Variants in LMO1 observed in about 807,000 individuals in gnomAD.
LMO1 encodes the protein rhombotin-1.
A neutral mutation model predicts 18.0 loss-of-function variants in LMO1; 10 were observed. That is an observed-to-expected ratio of 0.55 (90% confidence interval 0.34 to 0.94). The LOEUF is 0.94. LMO1 is among the 40% of genes least tolerant of loss of function. The pLI, the probability that LMO1 is intolerant of heterozygous loss-of-function variation, is 0.02. For missense variants in LMO1, 183 were observed against 205.7 expected (o/e 0.89, Z 0.68); for synonymous variants, 77 against 77.9 (o/e 0.99, Z 0.06).
chr11:8,235,595 A>T lies in LMO1; in HGVS notation c.26-5091T>A, dbSNP rs538804606. ...AAATCCTGGGCCCTGCATCGCATTCAGTTGTCAAGTTTAGTCTACTTACAT... is the reference window on the plus strand; with the variant it reads ...AAATCCTGGGCCCTGCATCGCATTCTGTTGTCAAGTTTAGTCTACTTACAT... On this transcript the variant is annotated intron_variant, in intron 1 of 3. Transcript: ENST00000335790. 6.6e-5 allele frequency among the ~76,000 whole-genome samples: 10 copies of T among 152,312 alleles called. No individual in the cohort carries two copies. In the South Asian group the frequency reaches 1.9e-3, roughly 28 times the overall value.
chr11:8,248,373 G>C (rs909099039), intron 1 of LMO1, among the ~76,000 whole-genome samples: 1 of 152,230 alleles, frequency 6.6e-6, no homozygotes, highest in Non-Finnish European at 1.5e-5. Context: ...GTGTGCCCTT[G>C]AGACAGCATG....
intron 1 of LMO1, among the ~76,000 whole-genome samples, chr11:8,260,071 A>T (rs1175413178): frequency 1.3e-5 from 2 of 152,074 alleles, no homozygotes; most frequent in Non-Finnish European, 2.9e-5. Context: ...GCATCCCAGC[A>T]TCCCCAGCTG....
chr11:8,248,212 G>A (rs450319), intron 1 of LMO1, among the ~76,000 whole-genome samples: 46,029 of 152,156 alleles, frequency 0.3, 7,036 homozygotes, highest in East Asian at 0.4. Context: ...TGCCGCTGCC[G>A]TCAATTTCAA....
chr11:8,256,453 C>T lies in LMO1; in HGVS notation c.25+6885G>A, dbSNP rs904975405. The stretch of plus-strand genomic sequence containing the variant: ...AGGCCACTCAAGAAAGCCCAGTTGA[C>T]CTCCAGGGGAAGGGACAGGAGGGAG... On this transcript the variant is annotated intron_variant, in intron 1 of 3. Coordinates refer to ENST00000335790, the MANE Select transcript of LMO1 (RefSeq NM_002315.3). 1.3e-4 allele frequency among the ~76,000 whole-genome samples: 20 copies of T among 152,192 alleles called. 1 individual carries two copies. Among genetic ancestry groups the T allele is most frequent in the South Asian group, 2.1e-4 (1 of 4,830 alleles).
At chr11:8,239,345 T>C (rs751092358) in intron 1 of LMO1, among the ~76,000 whole-genome samples, 5 of 152,168 alleles carry the variant, frequency 3.3e-5, no homozygotes, top group Non-Finnish European at 7.3e-5. Flanking sequence ...TTCCCACTCA[T>C]CTATTGGTTC....
chr11:8,255,814 C>T (rs900445596), intron 1 of LMO1, among the ~76,000 whole-genome samples: 6 of 136,848 alleles, frequency 4.4e-5, no homozygotes, highest in Non-Finnish European at 7.7e-5. Flanking sequence ...AGCACAATGC[C>T]GCACTTTTTT....
Position 8,263,354 on chromosome 11 carries a change from C to T in LMO1, c.9G>A (p.Val3=). The T allele has an allele frequency of 6.2e-7, 1 of 1,605,044 alleles. No homozygotes were observed. ...GCCACCTACCGTCCTCCTTGTCCAG[C>T]ACCATCATCTCGGGCGCTCCGTGTC... MM[V]LDKEDGVPML... Residue 3 remains valine (V), a synonymous_variant, in exon 1 of 4, where the codon GTG becomes GTA. Transcript: ENST00000335790.
At chr11:8,252,013 T>TGTGA in intron 1 of LMO1, among the ~76,000 whole-genome samples, 1 of 152,012 alleles carries the variant, frequency 6.6e-6, no homozygotes, top group South Asian at 2.1e-4. Flanking sequence ...TGTGAATGTG[T>TGTGA]GTGAGTGTGT....
intron 1 of LMO1, among the ~76,000 whole-genome samples, chr11:8,249,854 C>T (rs983418610): frequency 1.3e-5 from 2 of 152,132 alleles, no homozygotes; most frequent in African/African-American, 2.4e-5. Flanking sequence ...ATTCATTATC[C>T]GCTCAACAAA....
intron 1 of LMO1, among the ~76,000 whole-genome samples, chr11:8,241,200 C>T (rs1846785450): frequency 6.6e-6 from 1 of 152,172 alleles, no homozygotes; most frequent in Admixed American, 6.5e-5. Flanking sequence ...CCACCCAGCA[C>T]TCTGGCCAGA....
chr11:8,268,056 C>G (rs1847278638), upstream of LMO1, among the ~76,000 whole-genome samples: 2 of 152,270 alleles, frequency 1.3e-5, no homozygotes, highest in African/African-American at 4.8e-5. Flanking sequence ...GGGAGACTGG[C>G]TGGCAGTGGG....
intron 3 of LMO1, 138 bp downstream of exon 3, chr11:8,226,837 T>A: frequency 7.1e-7 from 1 of 1,412,032 alleles, no homozygotes; most frequent in Non-Finnish European, 9.3e-7. Flanking sequence ...ACATGCACGC[T>A]CATAACCTGC....
In LMO1 at chr11:8,230,456, G is replaced by C. The variant is rs775620259; in HGVS notation, c.74C>G (p.Ala25Gly). 6.2e-7 allele frequency: 1 copy of C among 1,613,824 alleles called. No homozygotes were observed. The highest frequency in any genetic ancestry group is 2.2e-5 in the East Asian group (1 of 44,882). Residue 25 changes from alanine (A) to glycine (G), a missense_variant, in exon 2 of 4, where the codon GCG becomes GGG. Physicochemically the swap from Ala to Gly is moderately conservative, Grantham distance 60. Coordinates refer to ENST00000335790, the MANE Select transcript of LMO1 (RefSeq NM_002315.3). ...VQPKGKQKGC[A>G]GCNRKIKDRY... is the part of the protein sequence containing the mutation. ...GTCCTTGATCTTGCGGTTACAGCCC[G>C]CACAGCCCTTCTGCTTCCCTTTGGG...
chr11:8,247,247 T>C (rs567985696), intron 1 of LMO1, among the ~76,000 whole-genome samples: 20 of 152,264 alleles, frequency 1.3e-4, no homozygotes, highest in Admixed American at 1.1e-3. Context: ...ACATGCATAA[T>C]GAATAGCATC....
At chr11:8,228,948 C>T (rs554765394) in intron 2 of LMO1, among the ~76,000 whole-genome samples, 23 of 152,260 alleles carry the variant, frequency 1.5e-4, no homozygotes, top group African/African-American at 4.1e-4. Flanking sequence ...AGTACAGTGG[C>T]GCAATCACAG....
Position 8,251,911 on chromosome 11 carries a change from G to A in LMO1, c.25+11427C>T, listed in dbSNP as rs973684986. Among the ~76,000 whole-genome samples, 138 of 55,534 alleles carry A rather than the reference G, an allele frequency of 2.5e-3. 2 individuals are homozygous for A. The highest frequency in any genetic ancestry group is 0.015 in the Middle Eastern group (1 of 68). 36.4% of individuals were successfully genotyped at this position (55,534 alleles called of 152,430 possible). A position where few individuals can be genotyped will look rare whatever the true frequency, so the allele number is the denominator to read the frequency against. ...TAGGTGTGTATGGGAGTGTGTGGTG[G>A]GTGTGTGGTGGGTGTGTAATGTGTG... On this transcript the variant is annotated intron_variant, in intron 1 of 3. Coordinates refer to ENST00000335790, the MANE Select transcript of LMO1 (RefSeq NM_002315.3).
At chr11:8,230,188 A>T in intron 2 of LMO1, 103 bp downstream of exon 2, 1 of 987,476 alleles carries the variant, frequency 1.0e-6, no homozygotes, top group Non-Finnish European at 1.6e-6. Flanking sequence ...GAGGACACAC[A>T]GGGTACTGGG....
At chr11:8,229,327 G>A (rs1590521920) in intron 2 of LMO1, among the ~76,000 whole-genome samples, 1 of 152,176 alleles carries the variant, frequency 6.6e-6, no homozygotes, top group Admixed American at 6.5e-5. Flanking sequence ...TCAGTCAAAG[G>A]ATCTTTGGGG....
chr11:8,268,576 C>T (rs1847285103), upstream of LMO1: 4 of 674,046 alleles, frequency 5.9e-6, no homozygotes, highest in Non-Finnish European at 8.2e-6. Context: ...GAGCCGCGAC[C>T]GCCGACGGGG....
Sources: gnomAD v4.1 joint callset for allele counts (sites outside exome capture counted in the v4.1 genomes callset) on GRCh38, gnomAD v4.1.1 for gene constraint, MANE v1.5 for transcripts, NCBI Gene and HGNC (gene_info 2026-07-23, HGNC 2026-07-21) for gene names.